The following SNX29 variants were observed in gnomAD, a reference collection of about 807,000 sequenced individuals.
SNX29 encodes sorting nexin-29.
In SNX29, 78 loss-of-function variants were observed where a neutral mutation model predicts 102.1. The ratio of observed to expected loss-of-function variants is 0.76; its 90% CI spans 0.64 to 0.92. SNX29 has a LOEUF of 0.92. SNX29 is among the 40% of genes least tolerant of loss of function. The pLI, the probability that SNX29 is intolerant of heterozygous loss-of-function variation, is 0.00. For missense variants in SNX29, 1,280 were observed against 1,061.7 expected (o/e 1.21, Z -2.86); for synonymous variants, 580 against 414.5 (o/e 1.40, Z -4.85).
chr16:12,526,581 G>C (rs1393019203), intron 20 of SNX29: 2 of 530,350 alleles, frequency 3.8e-6, no homozygotes, highest in South Asian at 1.5e-5. Flanking sequence ...AAATGGCCGC[G>C]ATAGTTCACG....
At chr16:12,045,639 A>G (rs2050056810) in intron 5 of SNX29, among the ~76,000 whole-genome samples, 1 of 147,016 alleles carries the variant, frequency 6.8e-6, no homozygotes, top group African/African-American at 2.5e-5. Flanking sequence ...TATTATTATT[A>G]TTATTATTTT....
intron 16 of SNX29, among the ~76,000 whole-genome samples, chr16:12,361,534 C>T (rs1014355419): frequency 5.3e-5 from 8 of 152,092 alleles, no homozygotes; most frequent in Non-Finnish European, 1.0e-4. Context: ...TTAATCCTCA[C>T]GTGGCCTAAT....
intron 4 of SNX29, among the ~76,000 whole-genome samples, chr16:12,031,034 T>C (rs1477241227): frequency 6.6e-6 from 1 of 152,120 alleles, no homozygotes. Context: ...CTGCCTGTGC[T>C]TTGCTTGGTG....
At chr16:12,561,406 A>C (rs1251882010) in intron 20 of SNX29, among the ~76,000 whole-genome samples, 1 of 152,140 alleles carries the variant, frequency 6.6e-6, no homozygotes, top group Non-Finnish European at 1.5e-5. Flanking sequence ...CCACACACAC[A>C]GATCAGTCCT....
chr16:11,993,161 T>C (rs896591308), intron 1 of SNX29, among the ~76,000 whole-genome samples: 2 of 131,150 alleles, frequency 1.5e-5, no homozygotes, highest in African/African-American at 2.8e-5. Flanking sequence ...TGAGACTCTG[T>C]CTCATAAATA....
At chr16:12,002,959 A>G in intron 2 of SNX29, 32 bp from the exon 3 acceptor site, 1 of 1,614,108 alleles carries the variant, frequency 6.2e-7, no homozygotes, top group South Asian at 1.1e-5. Context: ...CCATCCCAAC[A>G]GCTGATCTCA....
At chr16:12,009,566 C>T (rs2056579608) in intron 3 of SNX29, among the ~76,000 whole-genome samples, 2 of 151,804 alleles carry the variant, frequency 1.3e-5, no homozygotes, top group Non-Finnish European at 2.9e-5. Flanking sequence ...ACAGTATTGA[C>T]ATTAGGGGAA....
At chr16:12,478,359 T>G (rs1470821585) in intron 19 of SNX29, among the ~76,000 whole-genome samples, 3 of 152,256 alleles carry the variant, frequency 2.0e-5, no homozygotes, top group Non-Finnish European at 4.4e-5. Context: ...GATGTTCACT[T>G]CAACTTGTGA....
intron 16 of SNX29, among the ~76,000 whole-genome samples, chr16:12,358,650 C>G (rs887150142): frequency 6.6e-6 from 1 of 152,218 alleles, no homozygotes; most frequent in Non-Finnish European, 1.5e-5. Flanking sequence ...GGGTCCAGCC[C>G]CGCACCCTGG....
At chr16:12,529,730 T>G (rs1428734731) in intron 20 of SNX29, among the ~76,000 whole-genome samples, 1 of 152,142 alleles carries the variant, frequency 6.6e-6, no homozygotes, top group East Asian at 1.9e-4. Context: ...ATATCCATTT[T>G]TTGCTGAAAT....
chr16:12,118,630 T>A (rs1405922374), intron 11 of SNX29, among the ~76,000 whole-genome samples: 1 of 152,144 alleles, frequency 6.6e-6, no homozygotes, highest in African/African-American at 2.4e-5. Flanking sequence ...GACCACCTTT[T>A]GATGCCTTGA....
At chr16:12,159,084 A>G (rs936219046) in intron 13 of SNX29, among the ~76,000 whole-genome samples, 1 of 152,236 alleles carries the variant, frequency 6.6e-6, no homozygotes, top group Non-Finnish European at 1.5e-5. Flanking sequence ...TAACTGCATT[A>G]TCTTAGCAAT....
intron 14 of SNX29, among the ~76,000 whole-genome samples, chr16:12,209,869 C>T (rs867344562): frequency 1.3e-5 from 2 of 152,154 alleles, no homozygotes; most frequent in African/African-American, 4.8e-5. Flanking sequence ...CCTGAAGACT[C>T]GCTTCATAAG....
intron 11 of SNX29, among the ~76,000 whole-genome samples, chr16:12,111,990 C>T (rs1047787323): frequency 5.3e-5 from 8 of 152,152 alleles, no homozygotes; most frequent in Non-Finnish European, 1.0e-4. Flanking sequence ...ACACCCACCC[C>T]GTGGTCATCG....
At chr16:12,481,056 C>T (rs921684763) in intron 19 of SNX29, among the ~76,000 whole-genome samples, 1 of 152,202 alleles carries the variant, frequency 6.6e-6, no homozygotes, top group Non-Finnish European at 1.5e-5. Flanking sequence ...GAGGCTGATT[C>T]CTCACAGCAG....
chr16:12,109,781 A>C (rs1381785515), intron 11 of SNX29, among the ~76,000 whole-genome samples: 1 of 151,808 alleles, frequency 6.6e-6, no homozygotes, highest in Non-Finnish European at 1.5e-5. Flanking sequence ...CCCAGGCTGG[A>C]GTGCAGTGGC....
chr16:12,259,356 G>C (rs1007711924), intron 14 of SNX29, among the ~76,000 whole-genome samples: 2 of 152,200 alleles, frequency 1.3e-5, no homozygotes, highest in Non-Finnish European at 2.9e-5. Context: ...AGCATTGGCT[G>C]TGCTGGCTTG....
chr16:12,399,129 C>T (rs1420854772), intron 17 of SNX29, among the ~76,000 whole-genome samples: 1 of 152,174 alleles, frequency 6.6e-6, no homozygotes, highest in African/African-American at 2.4e-5. Flanking sequence ...CGGCTCATTG[C>T]ACCCTCCGCC....
Position 12,097,695 on chromosome 16 carries a change from G to A in SNX29, c.1402+18780G>A, listed in dbSNP as rs149266757. On this transcript the variant is annotated intron_variant, in intron 11 of 20. Transcript: ENST00000566228. ...CTAAGCTAGGATCAACTTTTGGTCTGGAGGTTTCTAGCCGGCTATCTCAGC... is the reference window on the plus strand; with the variant it reads ...CTAAGCTAGGATCAACTTTTGGTCTAGAGGTTTCTAGCCGGCTATCTCAGC... Among the ~76,000 whole-genome samples, 9 of 152,320 alleles carry A rather than the reference G, an allele frequency of 5.9e-5. No individual in the cohort carries two copies. The East Asian group carries it at 1.5e-3, about 26-fold the overall frequency.
Sources: gnomAD v4.1 joint callset for allele counts (sites outside exome capture counted in the v4.1 genomes callset) on GRCh38, gnomAD v4.1.1 for gene constraint, MANE v1.5 for transcripts, NCBI Gene and HGNC (gene_info 2026-07-23, HGNC 2026-07-21) for gene names.